The following TLL1 variants were observed in gnomAD, a reference collection of about 807,000 sequenced individuals.
TLL1 encodes tolloid-like protein 1.
Under a neutral mutation model 128.2 loss-of-function variants are expected in TLL1, and 49 were observed. The observed-to-expected ratio is 0.38, with a 90% confidence interval of 0.30 to 0.48. The LOEUF (loss-of-function observed/expected upper bound fraction) is 0.48, where lower values mean the gene tolerates loss of function less well. Ranked by LOEUF, TLL1 falls within the 20% of genes least tolerant of loss-of-function variation. The pLI, the probability that TLL1 is intolerant of heterozygous loss-of-function variation, is 0.96. For missense variants in TLL1, 1,123 were observed against 1,242.0 expected (o/e 0.90, Z 1.44); for synonymous variants, 454 against 418.8 (o/e 1.08, Z -1.03).
At chr4:166,001,609 G>A (rs1560802598) in intron 5 of TLL1, among the ~76,000 whole-genome samples, 2 of 151,910 alleles carry the variant, frequency 1.3e-5, no homozygotes. Context: ...GACCAGCCTG[G>A]GCAACACAGT....
intron 18 of TLL1, among the ~76,000 whole-genome samples, chr4:166,090,387 T>G (rs1741708607): frequency 6.6e-6 from 1 of 152,064 alleles, no homozygotes; most frequent in Admixed American, 6.6e-5. Flanking sequence ...GTTATACATT[T>G]AATTATTTTT....
At chr4:165,918,441 T>C (rs1348888512) in intron 1 of TLL1, among the ~76,000 whole-genome samples, 1 of 152,190 alleles carries the variant, frequency 6.6e-6, no homozygotes, top group Non-Finnish European at 1.5e-5. Context: ...AAAATACTAA[T>C]ATTTAGGTTG....
At chr4:166,022,005 C>T (rs1379068895) in intron 8 of TLL1, among the ~76,000 whole-genome samples, 1 of 152,076 alleles carries the variant, frequency 6.6e-6, no homozygotes, top group Non-Finnish European at 1.5e-5. Context: ...AGTAATTTAT[C>T]TCTTTTAATA....
chr4:166,100,722 T>C lies in TLL1; in HGVS notation c.2908-20T>C. On this transcript the variant is annotated intron_variant, in intron 20 of 20. Transcript: ENST00000061240. ...GTTTTATTGCTTGTTTACTTGCTTG[T>C]TGTTTTTGTTTTCCTTCAGCCACCA... 1.2e-6 allele frequency: 2 copies of C among 1,612,492 alleles called. No individual in the cohort carries two copies. Among genetic ancestry groups the C allele is most frequent in the Non-Finnish European group, 1.7e-6 (2 of 1,178,980 alleles).
intron 1 of TLL1, among the ~76,000 whole-genome samples, chr4:165,934,246 C>T (rs1279548115): frequency 6.7e-6 from 1 of 150,018 alleles, no homozygotes; most frequent in Non-Finnish European, 1.5e-5. Flanking sequence ...AACTCCTGAC[C>T]TCAGGTGATC....
chr4:165,944,653 G>A (rs934200618), intron 1 of TLL1, among the ~76,000 whole-genome samples: 1 of 152,084 alleles, frequency 6.6e-6, no homozygotes, highest in Admixed American at 6.6e-5. Context: ...TCAGATGTGG[G>A]CAAGAATGAA....
At position 166,065,673 on chromosome 4, in the gene TLL1, T is replaced by A; in HGVS notation, c.2008-10T>A. 6.2e-7 allele frequency: 1 copy of A among 1,612,614 alleles called. No individual in the cohort carries two copies. The highest frequency in any genetic ancestry group is 2.2e-5 in the East Asian group (1 of 44,748). ...CAAATCTGGCAACTGATAACCACAT[T>A]TTTTTCTAGGTTTGCAAATATGATT... On this transcript the variant is annotated splice_polypyrimidine_tract_variant and intron_variant, in intron 15 of 20. Coordinates refer to ENST00000061240, the MANE Select transcript of TLL1 (RefSeq NM_012464.5).
At chr4:165,878,412 A>C (rs1483895820) in intron 1 of TLL1, among the ~76,000 whole-genome samples, 1 of 151,884 alleles carries the variant, frequency 6.6e-6, no homozygotes, top group East Asian at 1.9e-4. Context: ...AGAAGTCGCC[A>C]AAATACAGTG....
chr4:166,100,829 A>G lies in TLL1; in HGVS notation c.2995A>G (p.Arg999Gly). Residue 999 changes from arginine to glycine, a missense_variant, in exon 21 of 21, where the codon AGA becomes GGA. Transcript: ENST00000061240. ...DTINKKGFHIRYKSIRYPDTT... is the reference protein window; with the variant it reads ...DTINKKGFHIGYKSIRYPDTT... ...AATCAACAAGAAGGGATTTCATATA[A>G]GATACAAAAGCATAAGATATCCAGA... The G allele has an allele frequency of 6.2e-7, 1 of 1,613,014 alleles. No homozygotes were observed. Among genetic ancestry groups the G allele is most frequent in the Non-Finnish European group, 8.5e-7 (1 of 1,179,348 alleles).
rs144792609 is a variant in TLL1, at chr4:166,062,375, G to A, written c.2007+2187G>A. ...GCATGGAATGTTCTTCCATTTGTTT[G>A]TGTCTTCTTTTATTTCGTTGATCAG... On this transcript the variant is annotated intron_variant, in intron 15 of 20. Coordinates refer to ENST00000061240, the MANE Select transcript of TLL1 (RefSeq NM_012464.5). Among the ~76,000 whole-genome samples, 134 of 152,238 alleles carry A rather than the reference G, an allele frequency of 8.8e-4. No individual in the cohort carries two copies. In the East Asian group the frequency reaches 0.02, roughly 22 times the overall value.
intron 19 of TLL1, among the ~76,000 whole-genome samples, chr4:166,095,225 G>A (rs1741967214): frequency 6.6e-6 from 1 of 151,984 alleles, no homozygotes; most frequent in Admixed American, 6.6e-5. Flanking sequence ...TAGAAATGTT[G>A]TAATGTGTAA....
intron 19 of TLL1, among the ~76,000 whole-genome samples, chr4:166,096,210 GGTGTGTGTGT>G (rs60978680): frequency 4.1e-5 from 6 of 145,518 alleles, no homozygotes; most frequent in Non-Finnish European, 6.1e-5. Flanking sequence ...TTCTGTCATG[GGTGTGTGTGT>G]GTGTGTGTGT....
chr4:165,992,300 G>A (rs1736680538), intron 2 of TLL1, among the ~76,000 whole-genome samples: 1 of 151,950 alleles, frequency 6.6e-6, no homozygotes, highest in Non-Finnish European at 1.5e-5. Flanking sequence ...TGAATATATT[G>A]TTAAAATGTG....
chr4:166,098,796 TG>T, intron 19 of TLL1, among the ~76,000 whole-genome samples: 1 of 152,122 alleles, frequency 6.6e-6, no homozygotes, highest in Non-Finnish European at 1.5e-5. Context: ...TCTTTGCATT[TG>T]GGGTTCTTAA....
chr4:165,900,168 T>C (rs2094121594), intron 1 of TLL1, among the ~76,000 whole-genome samples: 1 of 151,930 alleles, frequency 6.6e-6, no homozygotes, highest in Non-Finnish European at 1.5e-5. Context: ...AGCATGCCGA[T>C]GGGTCTTGAC....
rs141753355 is a variant in TLL1 at position 165,915,566 on chromosome 4, A to T, written c.169+41493A>T. 4.2e-3 allele frequency among the ~76,000 whole-genome samples: 633 copies of T among 152,290 alleles called. 5 individuals carry two copies. The highest frequency in any genetic ancestry group is 0.014 in the African/African-American group (583 of 41,562). ...AGGATTATTTAGTCACCCCTCCCTCAGTGTTACCAACCAGAAAACTGAGGC... is the reference window on the plus strand; with the variant it reads ...AGGATTATTTAGTCACCCCTCCCTCTGTGTTACCAACCAGAAAACTGAGGC... On this transcript the variant is annotated intron_variant, in intron 1 of 20. Coordinates refer to ENST00000061240, the MANE Select transcript of TLL1 (RefSeq NM_012464.5).
intron 14 of TLL1, among the ~76,000 whole-genome samples, chr4:166,059,805 AT>A (rs1740217898): frequency 6.6e-6 from 1 of 152,050 alleles, no homozygotes; most frequent in Non-Finnish European, 1.5e-5. Context: ...CAGCCATAAT[AT>A]TCTCGGCTAC....
chr4:165,993,419 A>G (rs971815150), intron 3 of TLL1, among the ~76,000 whole-genome samples: 2 of 152,044 alleles, frequency 1.3e-5, no homozygotes, highest in Non-Finnish European at 2.9e-5. Flanking sequence ...AATTATTTGT[A>G]GATTTTAGAG....
Position 165,964,953 on chromosome 4 carries a change from G to GTAAA in TLL1, c.170-24414_170-24411dup, listed in dbSNP as rs201286364. On this transcript the variant is annotated intron_variant, in intron 1 of 20. Coordinates refer to ENST00000061240, the MANE Select transcript of TLL1 (RefSeq NM_012464.5). The stretch of plus-strand genomic sequence containing the variant: ...CCGTGTCTCAAAAATAAATAAATAA[G>GTAAA]TAAATAAATAAATAAATGCAATAAA... Among the ~76,000 whole-genome samples the GTAAA allele has an allele frequency of 2.6e-3, 396 of 151,500 alleles. 14 individuals are homozygous for GTAAA. The East Asian group carries it at 0.065, about 25-fold the overall frequency.
Sources: gnomAD v4.1 joint callset for allele counts (sites outside exome capture counted in the v4.1 genomes callset) on GRCh38, gnomAD v4.1.1 for gene constraint, MANE v1.5 for transcripts, NCBI Gene and HGNC (gene_info 2026-07-23, HGNC 2026-07-21) for gene names.